RERE: variants seen among roughly 807,000 people sequenced by gnomAD.
RERE encodes the protein arginine-glutamic acid dipeptide repeats.
Under a neutral mutation model 146.1 loss-of-function variants are expected in RERE, and 40 were observed. The observed-to-expected ratio is 0.27, with a 90% CI of 0.21 to 0.36. The LOEUF (loss-of-function observed/expected upper bound fraction) is 0.36, where lower values mean the gene tolerates loss of function less well. Ranked by LOEUF, RERE falls within the 10% of genes least tolerant of loss-of-function variation. The pLI, the probability that RERE is intolerant of heterozygous loss-of-function variation, is 1.00. For missense variants in RERE, 1,933 were observed against 2,138.7 expected (o/e 0.90, Z 1.90); for synonymous variants, 1,003 against 866.0 (o/e 1.16, Z -2.78).
At chr1:8,733,570 T>C (rs757300700) in intron 1 of RERE, among the ~76,000 whole-genome samples, 8 of 152,220 alleles carry the variant, frequency 5.3e-5, no homozygotes, top group Non-Finnish European at 7.3e-5. Context: ...AGAGGTTCCA[T>C]GTGCAAGGAA....
chr1:8,530,264 TGAGTGGGAGA>T (rs1645626537), intron 7 of RERE, among the ~76,000 whole-genome samples: 2 of 152,236 alleles, frequency 1.3e-5, no homozygotes, highest in African/African-American at 4.8e-5. Context: ...AAATGAGAGC[TGAGTGGGAGA>T]GAAGAATACA....
chr1:8,815,382 C>T (rs1354728307), intron 1 of RERE, among the ~76,000 whole-genome samples: 1 of 152,172 alleles, frequency 6.6e-6, no homozygotes, highest in African/African-American at 2.4e-5. Context: ...TCTAGAAAGA[C>T]TCTGCTCACA....
At chr1:8,607,530 A>ATATTTTTTTTTTTTTTTT (rs1646732034) in intron 4 of RERE, among the ~76,000 whole-genome samples, 1 of 57,582 alleles carries the variant, frequency 1.7e-5, no homozygotes, top group African/African-American at 6.8e-5. Flanking sequence ...TTTTATATAT[A>ATATTTTTTTTTTTTTTTT]TTTCTTTTTT....
At chr1:8,707,419 G>T (rs1249724907) in intron 1 of RERE, among the ~76,000 whole-genome samples, 1 of 152,100 alleles carries the variant, frequency 6.6e-6, no homozygotes, top group East Asian at 1.9e-4. Flanking sequence ...CAACCACCCT[G>T]CATGGACTCT....
chr1:8,425,257 G>C (rs1023850452), intron 11 of RERE: 2 of 152,242 alleles, frequency 1.3e-5, no homozygotes, highest in African/African-American at 2.4e-5. Flanking sequence ...GCTGAGAGGG[G>C]TCTAGGAAGA....
At chr1:8,774,510 C>T (rs1641021192) in intron 1 of RERE, among the ~76,000 whole-genome samples, 1 of 151,860 alleles carries the variant, frequency 6.6e-6, no homozygotes, top group South Asian at 2.1e-4. Context: ...TGTGCCACCA[C>T]GCCCGGCTAA....
chr1:8,744,856 T>C (rs983358401), intron 1 of RERE, among the ~76,000 whole-genome samples: 1 of 152,166 alleles, frequency 6.6e-6, no homozygotes. Context: ...ATGCCCATAG[T>C]CTAAAATGGA....
intron 10 of RERE, among the ~76,000 whole-genome samples, chr1:8,484,341 T>C (rs1344655572): frequency 2.6e-5 from 4 of 152,134 alleles, no homozygotes; most frequent in Non-Finnish European, 5.9e-5. Context: ...ACAGAAATAT[T>C]TCCACACAAG....
chr1:8,728,400 A>T (rs761661254), intron 1 of RERE, among the ~76,000 whole-genome samples: 7 of 152,028 alleles, frequency 4.6e-5, no homozygotes, highest in Non-Finnish European at 1.0e-4. Context: ...CTCAGCTGTT[A>T]TAGTAACTAT....
Position 8,654,630 on chromosome 1 carries a change from G to GTTT in RERE, c.325+1340_325+1342dup, listed in dbSNP as rs978497523. 7.1e-5 allele frequency among the ~76,000 whole-genome samples: 10 copies of GTTT among 140,344 alleles called. 1 individual carries two copies. Among genetic ancestry groups the GTTT allele is most frequent in the African/African-American group, 2.6e-4 (10 of 38,734 alleles). The allele number at this position is 140,344 out of a possible 152,430, so 92.1% of individuals were successfully genotyped here. A position where few individuals can be genotyped will look rare whatever the true frequency, so the allele number is the denominator to read the frequency against. ...CTTCTGTAAGAAAGGATCTTGTTTT[G>GTTT]TTTTTTTTTGTTTTTTTTTTTGAGA... On this transcript the variant is annotated intron_variant, in intron 2 of 22. Coordinates refer to ENST00000400908, the MANE Select transcript of RERE (RefSeq NM_001042681.2).
At position 8,356,070 on chromosome 1, in the gene RERE, TC is replaced by T. The variant is rs1306856398; in HGVS notation, c.4486+29del. 4 of 1,465,918 alleles carry T rather than the reference TC, an allele frequency of 2.7e-6. No homozygotes were observed. Among genetic ancestry groups the T allele is most frequent in the Non-Finnish European group, 3.6e-6 (4 of 1,111,776 alleles). The allele number at this position is 1,465,918 out of a possible 1,614,324, so 90.8% of individuals were successfully genotyped here. The stretch of plus-strand genomic sequence containing the variant: ...ACCCCAACCCAACCCTCACACGGCC[TC>T]CCCGCCCCTCCTGGAGGGGAAGTCT... On this transcript the variant is annotated intron_variant, in intron 21 of 22. Transcript: ENST00000400908. The surrounding 1 kb of genome is among the most constrained non-coding windows in gnomAD (Gnocchi z 5.2).
At position 8,361,233 on chromosome 1, in the gene RERE, G is replaced by T; in HGVS notation, c.2274C>A (p.Thr758=). 1 of 1,545,154 alleles carries T rather than the reference G, an allele frequency of 6.5e-7. No individual in the cohort carries two copies. The highest frequency in any genetic ancestry group is 8.7e-7 in the Non-Finnish European group (1 of 1,149,454). Residue 758 remains threonine (T), a synonymous_variant, in exon 18 of 23, where the codon ACC becomes ACA. Transcript: ENST00000400908. ...TPAPSSAPPG[T]PQLPTPGPTP... is the part of the protein sequence containing the mutation. ...TGGGCCCTGGCGTGGGCAGCTGAGG[G>T]GTCCCTGGAGGAGCTGAGGAGGGAG... is the stretch of plus-strand genomic sequence containing the variant.
chr1:8,486,769 A>G (rs796312220), intron 10 of RERE, among the ~76,000 whole-genome samples: 9 of 147,320 alleles, frequency 6.1e-5, no homozygotes, highest in African/African-American at 2.4e-4. Context: ...AAAAAAAAAA[A>G]AAAGAAAAGA....
intron 2 of RERE, among the ~76,000 whole-genome samples, chr1:8,649,602 C>T (rs570181406): frequency 3.3e-5 from 5 of 151,908 alleles, no homozygotes; most frequent in African/African-American, 9.7e-5. Context: ...TGGTGTCACA[C>T]GCCTGTAATC....
intron 1 of RERE, among the ~76,000 whole-genome samples, chr1:8,673,652 T>C (rs907797551): frequency 3.3e-5 from 5 of 152,222 alleles, no homozygotes; most frequent in Non-Finnish European, 5.9e-5. Flanking sequence ...AAAGCATTTA[T>C]TTGTGAAATA....
At chr1:8,601,172 A>T (rs374413834) in intron 4 of RERE, among the ~76,000 whole-genome samples, 3 of 151,694 alleles carry the variant, frequency 2.0e-5, no homozygotes, top group African/African-American at 7.3e-5. Flanking sequence ...AGCGTGCGCC[A>T]CCATGCCCGG....
In RERE at chr1:8,768,331, A is replaced by G. The variant is rs1238063435; in HGVS notation, c.-145+48829T>C. The stretch of plus-strand genomic sequence containing the variant: ...AACATTCTTTCCAGGAAAGTTGTAT[A>G]AACCACAATATCCATTTCAGAAGAT... On this transcript the variant is annotated intron_variant, in intron 1 of 22. Coordinates refer to ENST00000400908, the MANE Select transcript of RERE (RefSeq NM_001042681.2). Among the ~76,000 whole-genome samples, 3 of 152,372 alleles carry G rather than the reference A, an allele frequency of 2.0e-5. No homozygotes were observed. In the East Asian group the frequency reaches 5.8e-4, roughly 29 times the overall value.
chr1:8,546,294 T>A (rs1018334113), intron 6 of RERE, among the ~76,000 whole-genome samples: 21 of 48,848 alleles, frequency 4.3e-4, no homozygotes, highest in African/African-American at 1.6e-3. Flanking sequence ...AATAAATAAA[T>A]AAAAATAAAA....
intron 2 of RERE, among the ~76,000 whole-genome samples, chr1:8,653,188 T>G (rs544017955): frequency 6.6e-6 from 1 of 152,288 alleles, no homozygotes. Context: ...CAGGCAGCAT[T>G]TTCCACACAT....
Sources: gnomAD v4.1 joint callset for allele counts (sites outside exome capture counted in the v4.1 genomes callset) on GRCh38, gnomAD v4.1.1 for gene constraint, Gnocchi (gnomAD v3.1) non-coding constraint, MANE v1.5 for transcripts, NCBI Gene and HGNC (gene_info 2026-07-23, HGNC 2026-07-21) for gene names.